The following NFATC2 variants were observed in gnomAD, a reference collection of about 807,000 sequenced individuals.
The protein encoded by NFATC2 is nuclear factor of activated T-cells, cytoplasmic 2.
A neutral mutation model predicts 87.3 loss-of-function variants in NFATC2; 22 were observed. That is an observed-to-expected ratio of 0.25 (90% CI 0.18 to 0.36). The LOEUF (loss-of-function observed/expected upper bound fraction) is 0.36, where lower values mean the gene tolerates loss of function less well. Ranked by LOEUF, NFATC2 falls within the 10% of genes least tolerant of loss-of-function variation. The pLI, the probability that NFATC2 is intolerant of heterozygous loss-of-function variation, is 1.00. For missense variants in NFATC2, 1,149 were observed against 1,259.1 expected (o/e 0.91, Z 1.32); for synonymous variants, 565 against 542.2 (o/e 1.04, Z -0.58).
intron 3 of NFATC2, among the ~76,000 whole-genome samples, chr20:51,482,501 C>A (rs1989348100): frequency 6.6e-6 from 1 of 152,118 alleles, no homozygotes; most frequent in African/African-American, 2.4e-5. Flanking sequence ...TTCTTTCATT[C>A]CAAACTGTTT....
Position 51,517,729 on chromosome 20 carries a change from C to G in NFATC2, c.1161-774G>C, listed in dbSNP as rs149664395. 6.6e-3 allele frequency among the ~76,000 whole-genome samples: 998 copies of G among 152,116 alleles called. 5 individuals are homozygous for G. Among genetic ancestry groups the G allele is most frequent in the Non-Finnish European group, 0.012 (809 of 67,976 alleles). Reference sequence around the variant, plus strand: ...GCCAGGAGTTCGAGACCAGCCTGGCCAACATGGCGAAACCCTGTCTCTACT... The same window carrying G: ...GCCAGGAGTTCGAGACCAGCCTGGCGAACATGGCGAAACCCTGTCTCTACT... On this transcript the variant is annotated intron_variant, in intron 2 of 10. Transcript: ENST00000371564.
intron 5 of NFATC2, among the ~76,000 whole-genome samples, chr20:51,459,446 TA>T (rs879410402): frequency 6.6e-6 from 1 of 151,900 alleles, no homozygotes; most frequent in African/African-American, 2.4e-5. Context: ...TTTCTGGTGA[TA>T]AAAAAAAGTT....
intron 9 of NFATC2, among the ~76,000 whole-genome samples, chr20:51,399,602 GAT>G (rs1182393395): frequency 6.6e-6 from 1 of 152,208 alleles, no homozygotes; most frequent in Non-Finnish European, 1.5e-5. Flanking sequence ...TAGAGGCCTG[GAT>G]TTCCCAATGT....
chr20:51,391,045 C>A lies in NFATC2; in HGVS notation c.*451G>T. The A allele has an allele frequency of 2.4e-6, 1 of 419,126 alleles. No individual in the cohort carries two copies. The highest frequency in any genetic ancestry group is 4.5e-6 in the Non-Finnish European group (1 of 220,694). The allele number at this position is 419,126 out of a possible 1,614,324, so 26.0% of individuals were successfully genotyped here. A position where few individuals can be genotyped will look rare whatever the true frequency, so the allele number is the denominator to read the frequency against. On this transcript the variant is annotated 3_prime_UTR_variant, in exon 11 of 11. Transcript: ENST00000371564. ...TAATCACAGTGCCCACATCTTCTGT[C>A]CCCCGTCCATCCCCCCAAGCTCCAG...
chr20:51,542,591 C>G lies in NFATC2; in HGVS notation c.-92G>C, dbSNP rs1213520068. On this transcript the variant is annotated 5_prime_UTR_variant, in exon 1 of 11. Coordinates refer to ENST00000371564, the MANE Select transcript of NFATC2 (RefSeq NM_012340.5). ...CGCAGTGGGGCTGGCGGAGGCGGCT[C>G]GAGCGGCGGGGTCCCTTTCCTCGTA... The G allele has an allele frequency of 5.1e-5, 64 of 1,244,364 alleles. No homozygotes were observed. The highest frequency in any genetic ancestry group is 6.4e-5 in the Non-Finnish European group (63 of 990,030). The allele number at this position is 1,244,364 out of a possible 1,614,324, so 77.1% of individuals were successfully genotyped here. A position where few individuals can be genotyped will look rare whatever the true frequency, so the allele number is the denominator to read the frequency against.
intron 9 of NFATC2, among the ~76,000 whole-genome samples, chr20:51,406,227 T>G (rs561144275): frequency 2.6e-5 from 4 of 152,302 alleles, no homozygotes; most frequent in African/African-American, 9.6e-5. Flanking sequence ...TCAGGCTACT[T>G]GTAGATAGAA....
At chr20:51,530,236 G>A (rs1380497698) in intron 1 of NFATC2, among the ~76,000 whole-genome samples, 2 of 152,072 alleles carry the variant, frequency 1.3e-5, no homozygotes, top group African/African-American at 2.4e-5. Context: ...GTGCGATCTC[G>A]ACTCACTGCA....
chr20:51,454,433 G>A (rs948717190), intron 6 of NFATC2, 115 bp downstream of exon 6: 55 of 1,039,386 alleles, frequency 5.3e-5, no homozygotes, highest in Non-Finnish European at 5.9e-5. Flanking sequence ...AAAAGAGCAG[G>A]GTATAAAACT....
intron 1 of NFATC2, among the ~76,000 whole-genome samples, chr20:51,531,427 A>G (rs562482285): frequency 1.3e-5 from 2 of 152,324 alleles, no homozygotes; most frequent in East Asian, 3.9e-4. Flanking sequence ...CTTACCCAAT[A>G]GGTAGGCCCT....
chr20:51,442,727 G>C lies in NFATC2; in HGVS notation c.1850-6966C>G, dbSNP rs1269120774. 2.3e-5 allele frequency among the ~76,000 whole-genome samples: 3 copies of C among 132,564 alleles called. No individual in the cohort carries two copies. In the Admixed American group the frequency reaches 2.3e-4, roughly 10 times the overall value. 87.0% of individuals were successfully genotyped at this position (132,564 alleles called of 152,430 possible). A position where few individuals can be genotyped will look rare whatever the true frequency, so the allele number is the denominator to read the frequency against. Reference sequence around the variant, plus strand: ...AGTTTGTTTTTTTTTTTTTTCTTAAGAAAAAGGCACATTGCAACTGCCTGT... The same window carrying C: ...AGTTTGTTTTTTTTTTTTTTCTTAACAAAAAGGCACATTGCAACTGCCTGT... On this transcript the variant is annotated intron_variant, in intron 6 of 10. Transcript: ENST00000371564.
chr20:51,476,523 CCCTATCTCTCTCT>C (rs1336259443), intron 3 of NFATC2, among the ~76,000 whole-genome samples: 4 of 152,124 alleles, frequency 2.6e-5, no homozygotes, highest in Non-Finnish European at 4.4e-5. Flanking sequence ...CAATGGCTTT[CCCTATCTCTCTCT>C]CCTACTTTTT....
chr20:51,520,631 T>C (rs947717262), intron 2 of NFATC2, among the ~76,000 whole-genome samples: 4 of 151,132 alleles, frequency 2.6e-5, no homozygotes, highest in African/African-American at 9.7e-5. Flanking sequence ...GTTTCCTTTT[T>C]ATTTATTTAT....
chr20:51,472,182 G>A (rs567189569), intron 5 of NFATC2, among the ~76,000 whole-genome samples: 2 of 152,302 alleles, frequency 1.3e-5, no homozygotes, highest in East Asian at 3.9e-4. Flanking sequence ...TTGAACCCGG[G>A]AGGTAGAAGT....
intron 5 of NFATC2, among the ~76,000 whole-genome samples, chr20:51,464,979 T>C (rs73271813): frequency 0.011 from 1,749 of 152,346 alleles, 38 homozygotes; most frequent in African/African-American, 0.039. Flanking sequence ...AATAACTTCA[T>C]TTCTCTACAC....
intron 5 of NFATC2, among the ~76,000 whole-genome samples, chr20:51,457,237 G>T (rs1986641126): frequency 6.6e-6 from 1 of 152,268 alleles, no homozygotes; most frequent in African/African-American, 2.4e-5. Flanking sequence ...TGCCTTTGAT[G>T]AAACTGGGGA....
At chr20:51,482,170 C>T (rs140297241) in intron 3 of NFATC2, among the ~76,000 whole-genome samples, 2,365 of 152,090 alleles carry the variant, frequency 0.016, 22 homozygotes, top group Non-Finnish European at 0.022. Flanking sequence ...CAAATCCACC[C>T]CACCAGCTCA....
At chr20:51,490,238 C>T (rs549256902) in intron 3 of NFATC2, among the ~76,000 whole-genome samples, 38 of 152,206 alleles carry the variant, frequency 2.5e-4, no homozygotes, top group African/African-American at 6.0e-4. Flanking sequence ...TTCACTGCAA[C>T]GCTATGAGAG....
chr20:51,450,070 T>C (rs541864513), intron 6 of NFATC2, among the ~76,000 whole-genome samples: 16 of 152,332 alleles, frequency 1.1e-4, no homozygotes, highest in African/African-American at 3.8e-4. Flanking sequence ...CTGAGCCCTA[T>C]GCAAAGCACC....
chr20:51,522,537 C>T (rs1231465268), intron 2 of NFATC2, among the ~76,000 whole-genome samples: 1 of 151,784 alleles, frequency 6.6e-6, no homozygotes, highest in African/African-American at 2.4e-5. Flanking sequence ...ATCTCCTCAG[C>T]TTCCCAAGAC....
Sources: allele counts gnomAD v4.1 joint callset (sites outside exome capture counted in the v4.1 genomes callset), GRCh38; gene constraint gnomAD v4.1.1; transcripts MANE v1.5; gene names NCBI Gene and HGNC (gene_info 2026-07-23, HGNC 2026-07-21).